Variants in PRRG1 observed in about 807,000 individuals in gnomAD.
The protein encoded by PRRG1 is transmembrane gamma-carboxyglutamic acid protein 1.
PRRG1 carries 5 observed loss-of-function variants against 11.8 expected under a neutral mutation model. The observed-to-expected ratio is 0.42, with a 90% CI of 0.22 to 0.89. The LOEUF is 0.89. Among genes scored for constraint, PRRG1 ranks in the 40% least tolerant of loss-of-function variants. The probability of loss-of-function intolerance (pLI) is 0.28; values close to 1 mark genes in which losing one functional copy is unlikely to be tolerated. For missense variants in PRRG1, 155 were observed against 166.1 expected, an observed-to-expected ratio of 0.93 and a Z score of 0.37; for synonymous variants, 66 against 60.4, an observed-to-expected ratio of 1.09 and a Z score of -0.43.
At chrX:37,442,393 C>T (rs1394197889) in intron 3 of PRRG1, among the ~76,000 whole-genome samples, 2 of 108,055 alleles carry the variant, frequency 1.9e-5, no homozygotes, top group Non-Finnish European at 3.8e-5. Flanking sequence ...TTCTATGGGC[C>T]CCTGGAAAAC....
chrX:37,440,979 G>C, intron 3 of PRRG1: 1 of 694,900 alleles, frequency 1.4e-6, no homozygotes, highest in South Asian at 3.8e-5. Context: ...ATGTTGCCTA[G>C]GCTGGTCTCA....
chrX:37,444,452 T>C (rs1330872448), intron 3 of PRRG1, among the ~76,000 whole-genome samples: 1 of 112,145 alleles, frequency 8.9e-6, no homozygotes, highest in Non-Finnish European at 1.9e-5. Context: ...TTAAATTTTT[T>C]TGTGCCTCAG....
At chrX:37,403,053 A>G (rs1452625502) in intron 1 of PRRG1, among the ~76,000 whole-genome samples, 1 of 110,047 alleles carries the variant, frequency 9.1e-6, no homozygotes, top group Admixed American at 9.6e-5. Context: ...TAGTTCAACC[A>G]TTGTGGAAGT....
intron 2 of PRRG1, among the ~76,000 whole-genome samples, chrX:37,420,826 C>T (rs1932641453): frequency 1.8e-5 from 2 of 110,819 alleles, no homozygotes; most frequent in East Asian, 5.6e-4. Flanking sequence ...CACATCACTG[C>T]ACTCTAGCCT....
At chrX:37,398,935 A>G (rs1334468409) in intron 1 of PRRG1, among the ~76,000 whole-genome samples, 1 of 111,416 alleles carries the variant, frequency 9.0e-6, no homozygotes. Flanking sequence ...TAGAGAAAAA[A>G]GAATAAAAAG....
At chrX:37,371,819 G>A (rs782084627) in intron 1 of PRRG1, among the ~76,000 whole-genome samples, 24 of 113,007 alleles carry the variant, frequency 2.1e-4, no homozygotes, top group South Asian at 7.2e-4. Context: ...GCTCCTCACC[G>A]CTCTATGCCT....
At chrX:37,413,010 C>T (rs1932390557) in intron 2 of PRRG1, among the ~76,000 whole-genome samples, 2 of 111,138 alleles carry the variant, frequency 1.8e-5, no homozygotes, top group Non-Finnish European at 3.8e-5. Flanking sequence ...GTGCAACCTT[C>T]CAGTTATAAA....
At chrX:37,363,580 A>G (rs373114833) in intron 1 of PRRG1, among the ~76,000 whole-genome samples, 5 of 112,099 alleles carry the variant, frequency 4.5e-5, no homozygotes, top group Non-Finnish European at 9.4e-5. Context: ...ATTATCCACT[A>G]TATCTTTCCA....
intron 2 of PRRG1, among the ~76,000 whole-genome samples, chrX:37,415,060 G>T (rs1245254202): frequency 8.9e-6 from 1 of 112,244 alleles, no homozygotes; most frequent in Non-Finnish European, 1.9e-5. Flanking sequence ...GGGAACCCTT[G>T]AGTTCAGAGG....
At chrX:37,432,877 C>G (rs1197260209) in intron 3 of PRRG1, among the ~76,000 whole-genome samples, 2 of 110,123 alleles carry the variant, frequency 1.8e-5, no homozygotes, top group African/African-American at 6.6e-5. Flanking sequence ...ACCCCTTCCC[C>G]CAAATATCTA....
chrX:37,398,972 G>C (rs1931836923), intron 1 of PRRG1, among the ~76,000 whole-genome samples: 1 of 111,674 alleles, frequency 9.0e-6, no homozygotes, highest in Non-Finnish European at 1.9e-5. Flanking sequence ...CAAGAAATAT[G>C]GGACTATGTG....
At chrX:37,379,741 G>A (rs1556373350) in intron 1 of PRRG1, among the ~76,000 whole-genome samples, 3 of 111,729 alleles carry the variant, frequency 2.7e-5, no homozygotes, top group African/African-American at 9.7e-5. Flanking sequence ...CAAATCTACA[G>A]TGAAATAAAG....
At chrX:37,423,227 A>G (rs1034769688) in intron 2 of PRRG1, among the ~76,000 whole-genome samples, 114 of 110,920 alleles carry the variant, frequency 1.0e-3, no homozygotes, top group African/African-American at 3.5e-3. Flanking sequence ...TTTAACAAAA[A>G]TTAACTTTTT....
At chrX:37,403,029 G>A (rs1460916006) in intron 1 of PRRG1, among the ~76,000 whole-genome samples, 1 of 110,345 alleles carries the variant, frequency 9.1e-6, no homozygotes, top group African/African-American at 3.3e-5. Context: ...TACACTGTTG[G>A]TGGGACTGTA....
At chrX:37,394,933 T>C (rs1931665149) in intron 1 of PRRG1, among the ~76,000 whole-genome samples, 1 of 111,960 alleles carries the variant, frequency 8.9e-6, no homozygotes, top group African/African-American at 3.2e-5. Flanking sequence ...ACTTAATGTA[T>C]TGAACCATAT....
chrX:37,435,026 A>G (rs1327994401), intron 3 of PRRG1, among the ~76,000 whole-genome samples: 1 of 112,024 alleles, frequency 8.9e-6, no homozygotes, highest in Non-Finnish European at 1.9e-5. Flanking sequence ...AGTCCCACCT[A>G]GTGCCCAGAT....
chrX:37,425,929 G>C lies in PRRG1; in HGVS notation c.100G>C (p.Glu34Gln). The change falls in exon 3 of 4, where the codon GAG becomes CAG. Residue 34 changes from glutamate (E) to glutamine (Q), a missense_variant. Transcript: ENST00000378628. The part of the protein sequence containing the change: ...FFEEIRQGNI[E>Q]RECKEEFCTF... The stretch of plus-strand genomic sequence containing the variant: ...TGAAGAAATAAGACAGGGCAACATT[G>C]AGCGTGAGTGCAAAGAAGAATTCTG... The C allele has an allele frequency of 1.7e-6, 2 of 1,206,758 alleles. No individual in the cohort carries two copies. The highest frequency in any genetic ancestry group is 2.2e-6 in the Non-Finnish European group (2 of 892,995).
chrX:37,351,432 T>C (rs1275713429), intron 1 of PRRG1, among the ~76,000 whole-genome samples: 9 of 109,009 alleles, frequency 8.3e-5, no homozygotes, highest in African/African-American at 2.7e-4. Flanking sequence ...GAGGCGGAGC[T>C]TGCCTTGAGC....
At position 37,453,364 on chromosome X, in the gene PRRG1, CCA is replaced by C; in HGVS notation, c.402_403del (p.Pro135ArgfsTer2). ...QHLNIITPPP[P>X]PDEVFDSSGL... ...CCTTAATATTATCACCCCACCCCCC[CCA>C]CCAGATGAAGTGTTTGACAGCAGTG... On this transcript the variant is annotated frameshift_variant, in exon 4 of 4. Coordinates refer to ENST00000378628, the MANE Select transcript of PRRG1 (RefSeq NM_001142395.2). LOFTEE classifies it high-confidence loss of function. The C allele has an allele frequency of 8.3e-7, 1 of 1,209,420 alleles. No individual in the cohort carries two copies. The highest frequency in any genetic ancestry group is 1.1e-6 in the Non-Finnish European group (1 of 894,434).
Sources: gnomAD v4.1 joint callset for allele counts (sites outside exome capture counted in the v4.1 genomes callset) on GRCh38, gnomAD v4.1.1 for gene constraint, MANE v1.5 for transcripts, NCBI Gene and HGNC (gene_info 2026-07-23, HGNC 2026-07-21) for gene names.